Variants in CTNNA3 observed in about 807,000 individuals in gnomAD.
The protein encoded by CTNNA3 is catenin alpha-3.
A neutral mutation model predicts 95.7 loss-of-function variants in CTNNA3; 76 were observed. The ratio of observed to expected loss-of-function variants is 0.79; its 90% CI spans 0.66 to 0.96. CTNNA3 has a LOEUF of 0.96. Ranked by LOEUF, CTNNA3 falls within the 40% of genes least tolerant of loss-of-function variation. The probability of loss-of-function intolerance (pLI) is 0.00; values close to 1 mark genes in which losing one functional copy is unlikely to be tolerated. For synonymous variants in CTNNA3, 431 were observed against 374.4 expected (o/e 1.15, Z -1.74); for missense variants, 1,191 against 1,089.8 (o/e 1.09, Z -1.31).
At chr10:67,617,302 T>C (rs1341291566) in intron 2 of CTNNA3, among the ~76,000 whole-genome samples, 2 of 152,188 alleles carry the variant, frequency 1.3e-5, no homozygotes, top group African/African-American at 2.4e-5. Context: ...CCTCTATGTG[T>C]CCATGTGTTC....
intron 1 of CTNNA3, among the ~76,000 whole-genome samples, chr10:67,684,042 G>T (rs1014732081): frequency 8.5e-5 from 13 of 152,338 alleles, no homozygotes; most frequent in African/African-American, 3.1e-4. Context: ...AGCATGGAAG[G>T]GGACCTGAGC....
Position 66,007,704 on chromosome 10 carries a change from T to TCCTCCCTCCCTC in CTNNA3, c.2160-18919_2160-18908dup, listed in dbSNP as rs1207637044. 1.7e-3 allele frequency among the ~76,000 whole-genome samples: 150 copies of TCCTCCCTCCCTC among 86,314 alleles called. 1 individual carries two copies. Among genetic ancestry groups the TCCTCCCTCCCTC allele is most frequent in the Middle Eastern group, 0.016 (3 of 186 alleles). The allele number at this position is 86,314 out of a possible 152,430, so 56.6% of individuals were successfully genotyped here. On this transcript the variant is annotated intron_variant, in intron 15 of 17. Coordinates refer to ENST00000433211, the MANE Select transcript of CTNNA3 (RefSeq NM_013266.4). ...AAGGAGTATAAGCCAGGCTTTTAGA[T>TCCTCCCTCCCTC]CCTCCCTCCCTCCCTCCCTCCCTTT...
At chr10:67,535,708 A>G (rs1212226412) in intron 4 of CTNNA3, among the ~76,000 whole-genome samples, 2 of 152,140 alleles carry the variant, frequency 1.3e-5, no homozygotes, top group Non-Finnish European at 2.9e-5. Flanking sequence ...CATGGAAGTT[A>G]CCTACAATCT....
At chr10:67,703,475 G>A (rs1372788016) in intron 1 of CTNNA3, among the ~76,000 whole-genome samples, 7 of 151,984 alleles carry the variant, frequency 4.6e-5, no homozygotes, top group Admixed American at 6.5e-5. Context: ...TTCAATATAC[G>A]CAAATCAATA....
intron 12 of CTNNA3, among the ~76,000 whole-genome samples, chr10:66,362,715 T>C (rs10997092): frequency 0.36 from 54,388 of 150,662 alleles, 11,131 homozygotes; most frequent in Non-Finnish European, 0.46. Context: ...TACTTCCCCC[T>C]GCCGACCAAA....
At chr10:67,629,207 C>T (rs111527123) in intron 2 of CTNNA3, among the ~76,000 whole-genome samples, 2 of 151,974 alleles carry the variant, frequency 1.3e-5, no homozygotes, top group Non-Finnish European at 2.9e-5. Context: ...CTGTGTTATG[C>T]ACACTGAAAT....
Position 66,103,211 on chromosome 10 carries a change from C to T in CTNNA3, c.1923G>A (p.Glu641=), listed in dbSNP as rs1375841430. Residue 641 remains glutamate, a synonymous_variant, in exon 14 of 18, where the codon GAG becomes GAA. Transcript: ENST00000433211. ...EELEDVSDLE[E]EHEVRSHTSI... ...TGGTGTGACTGCGGACCTCGTGTTC[C>T]TCTTCAAGGTCAGAAACATCCTCCA... 1.9e-6 allele frequency: 3 copies of T among 1,614,108 alleles called. No individual in the cohort carries two copies. The highest frequency in any genetic ancestry group is 4.5e-5 in the East Asian group (2 of 44,862).
At chr10:66,736,240 C>T (rs1190315616) in intron 9 of CTNNA3, among the ~76,000 whole-genome samples, 1 of 151,770 alleles carries the variant, frequency 6.6e-6, no homozygotes, top group Non-Finnish European at 1.5e-5. Context: ...GGCTGGAGTG[C>T]AGTGGTGCCA....
chr10:66,017,729 C>T (rs1463341880), intron 15 of CTNNA3, among the ~76,000 whole-genome samples: 5 of 151,850 alleles, frequency 3.3e-5, no homozygotes, highest in African/African-American at 4.8e-5. Context: ...TATTGTTAAC[C>T]GACAAAATGC....
At chr10:67,097,596 T>C (rs1858084528) in intron 7 of CTNNA3, 1 of 1,612,096 alleles carries the variant, frequency 6.2e-7, no homozygotes, top group South Asian at 1.1e-5. Context: ...GATACCTTTA[T>C]CAATGAATGT....
chr10:67,527,152 G>A (rs932733937), intron 4 of CTNNA3, among the ~76,000 whole-genome samples: 1 of 152,138 alleles, frequency 6.6e-6, no homozygotes, highest in Non-Finnish European at 1.5e-5. Context: ...AGTTACTTGT[G>A]AGGCTGAGGC....
At position 66,142,223 on chromosome 10, in the gene CTNNA3, T is replaced by C. The variant is rs111700992; in HGVS notation, c.1885-38974A>G. On this transcript the variant is annotated intron_variant, in intron 13 of 17. Transcript: ENST00000433211. ...AAATTCTTTTCATTTGTTTGTTACA[T>C]GTAGATATCCAGTTGCTCCAAAACC... Among the ~76,000 whole-genome samples the C allele has an allele frequency of 1.8e-3, 279 of 152,322 alleles. 1 individual carries two copies. The highest frequency in any genetic ancestry group is 3.4e-3 in the Admixed American group (52 of 15,300).
At chr10:66,270,181 C>A (rs2091246789) in intron 13 of CTNNA3, among the ~76,000 whole-genome samples, 1 of 143,852 alleles carries the variant, frequency 7.0e-6, no homozygotes, top group Non-Finnish European at 1.5e-5. Context: ...ATTTGGAAAC[C>A]AAATCAACCA....
At chr10:67,405,742 G>A (rs1040066354) in intron 5 of CTNNA3, among the ~76,000 whole-genome samples, 1 of 152,118 alleles carries the variant, frequency 6.6e-6, no homozygotes, top group Admixed American at 6.6e-5. Context: ...CAGAACAACA[G>A]AATATACATT....
intron 7 of CTNNA3, among the ~76,000 whole-genome samples, chr10:66,936,948 AG>A (rs1847738589): frequency 6.6e-6 from 1 of 152,130 alleles, no homozygotes; most frequent in Non-Finnish European, 1.5e-5. Flanking sequence ...AGTTCTTCTT[AG>A]GCAAAGACCT....
intron 13 of CTNNA3, among the ~76,000 whole-genome samples, chr10:66,197,099 C>A (rs2087007481): frequency 6.6e-6 from 1 of 152,156 alleles, no homozygotes; most frequent in African/African-American, 2.4e-5. Flanking sequence ...TGTCACCTGA[C>A]TTTCCAATTT....
chr10:66,281,225 G>T (rs1564836894), intron 12 of CTNNA3, among the ~76,000 whole-genome samples: 4 of 151,782 alleles, frequency 2.6e-5, no homozygotes, highest in African/African-American at 4.8e-5. Flanking sequence ...ACAAAACACT[G>T]ACTGACTATA....
At chr10:66,383,063 A>G (rs891754721) in intron 11 of CTNNA3, among the ~76,000 whole-genome samples, 2 of 152,230 alleles carry the variant, frequency 1.3e-5, no homozygotes, top group Admixed American at 6.5e-5. Context: ...ACTCCTCACC[A>G]GCAATGGAAC....
chr10:67,685,305 C>G (rs1840709209), intron 1 of CTNNA3, among the ~76,000 whole-genome samples: 1 of 152,222 alleles, frequency 6.6e-6, no homozygotes, highest in Non-Finnish European at 1.5e-5. Context: ...CTTCCTGATT[C>G]TGTAAGTACT....
Sources: allele counts gnomAD v4.1 joint callset (sites outside exome capture counted in the v4.1 genomes callset), GRCh38; gene constraint gnomAD v4.1.1; transcripts MANE v1.5; gene names NCBI Gene and HGNC (gene_info 2026-07-23, HGNC 2026-07-21).